Variants in GRID2 observed in about 807,000 individuals in gnomAD.
The protein encoded by GRID2 is glutamate ionotropic receptor delta type subunit 2, also known as glutamate receptor ionotropic, delta-2.
GRID2 carries 33 observed loss-of-function variants against 114.8 expected under a neutral mutation model. The ratio of observed to expected loss-of-function variants is 0.29; its 90% confidence interval spans 0.22 to 0.38. The LOEUF is 0.38. Among genes scored for constraint, GRID2 ranks in the 10% least tolerant of loss-of-function variants. The probability of loss-of-function intolerance (pLI) is 1.00; values close to 1 mark genes in which losing one functional copy is unlikely to be tolerated. For missense variants in GRID2, 1,184 were observed against 1,257.7 expected (o/e 0.94, Z 0.89); for synonymous variants, 505 against 449.9 (o/e 1.12, Z -1.55).
chr4:93,390,580 C>T (rs1291326340), intron 8 of GRID2, among the ~76,000 whole-genome samples: 1 of 152,118 alleles, frequency 6.6e-6, no homozygotes, highest in Non-Finnish European at 1.5e-5. Context: ...TGAACTCAAT[C>T]AGTCTTCTTC....
rs747301275 is a variant in GRID2 at position 93,626,388 on chromosome 4, A to G, written c.2313A>G (p.Gly771=). The G allele has an allele frequency of 5.6e-6, 9 of 1,611,886 alleles. No individual in the cohort carries two copies. The highest frequency in any genetic ancestry group is 7.6e-6 in the Non-Finnish European group (9 of 1,178,466). ...ATACTGTTGCTGATCGGGGATATGG[A>G]ATTGCATTACAACATGGCAGTCCTT... is the stretch of plus-strand genomic sequence containing the variant. The part of the protein sequence containing the change: ...IGNTVADRGY[G]IALQHGSPYR... The change falls in exon 14 of 16, where the codon GGA becomes GGG. Residue 771 remains glycine (G), a synonymous_variant. Coordinates refer to ENST00000282020, the MANE Select transcript of GRID2 (RefSeq NM_001510.4).
At chr4:93,695,208 G>A (rs1170394801) in intron 14 of GRID2, among the ~76,000 whole-genome samples, 3 of 151,736 alleles carry the variant, frequency 2.0e-5, no homozygotes, top group Admixed American at 6.6e-5. Context: ...GAGCGCCATG[G>A]AAGGGCACTG....
At chr4:93,364,714 A>G (rs1379631628) in intron 8 of GRID2, among the ~76,000 whole-genome samples, 3 of 152,074 alleles carry the variant, frequency 2.0e-5, no homozygotes, top group Non-Finnish European at 4.4e-5. Flanking sequence ...TGGGGCCTCG[A>G]GTGATCCTCC....
chr4:92,607,679 T>A (rs1010302720), intron 2 of GRID2, among the ~76,000 whole-genome samples: 1 of 151,774 alleles, frequency 6.6e-6, no homozygotes, highest in Non-Finnish European at 1.5e-5. Flanking sequence ...CACCAGGCAG[T>A]AGAGCAGGCA....
chr4:92,752,944 A>C (rs1737524346), intron 2 of GRID2, among the ~76,000 whole-genome samples: 2 of 152,158 alleles, frequency 1.3e-5, no homozygotes. Flanking sequence ...TTCTTTTTTG[A>C]ACAAATACAT....
At chr4:92,323,000 T>C (rs1439113632) in intron 1 of GRID2, among the ~76,000 whole-genome samples, 1 of 152,138 alleles carries the variant, frequency 6.6e-6, no homozygotes, top group Non-Finnish European at 1.5e-5. Flanking sequence ...ATCTGCTAAT[T>C]GAGTGCAACT....
chr4:92,429,233 C>T (rs1311460656), intron 1 of GRID2, among the ~76,000 whole-genome samples: 1 of 152,120 alleles, frequency 6.6e-6, no homozygotes, highest in Non-Finnish European at 1.5e-5. Flanking sequence ...AATGCAGTGT[C>T]CATTATTTCA....
intron 8 of GRID2, among the ~76,000 whole-genome samples, chr4:93,354,022 T>TGCAC (rs1553915448): frequency 2.9e-4 from 43 of 150,282 alleles, no homozygotes; most frequent in African/African-American, 8.8e-4. Context: ...AGCACACACA[T>TGCAC]GCACACACAC....
chr4:93,615,594 A>C (rs1741540674), intron 13 of GRID2, among the ~76,000 whole-genome samples: 1 of 152,004 alleles, frequency 6.6e-6, no homozygotes, highest in Admixed American at 6.6e-5. Flanking sequence ...ATACTCCAAT[A>C]AATATGTACA....
chr4:93,722,486 A>G (rs1019923722), intron 14 of GRID2, among the ~76,000 whole-genome samples: 2 of 152,190 alleles, frequency 1.3e-5, no homozygotes, highest in Non-Finnish European at 2.9e-5. Context: ...CTTCAAACAC[A>G]TATCTAGAAT....
chr4:93,322,751 G>A (rs1164217743), intron 8 of GRID2, among the ~76,000 whole-genome samples: 2 of 152,188 alleles, frequency 1.3e-5, no homozygotes, highest in African/African-American at 2.4e-5. Flanking sequence ...ACTGGTGTGA[G>A]ATGGTATCTC....
At chr4:93,467,514 TCTAA>T (rs1724408434) in intron 11 of GRID2, among the ~76,000 whole-genome samples, 1 of 152,228 alleles carries the variant, frequency 6.6e-6, no homozygotes, top group Non-Finnish European at 1.5e-5. Context: ...GGCATTCTCT[TCTAA>T]CTTAGATCCT....
At chr4:93,359,146 A>G (rs2149271970) in intron 8 of GRID2, among the ~76,000 whole-genome samples, 1 of 152,230 alleles carries the variant, frequency 6.6e-6, no homozygotes, top group South Asian at 2.1e-4. Context: ...TCCCTCTTTC[A>G]AATGTGTCTC....
chr4:93,370,948 C>T (rs549926421), intron 8 of GRID2, among the ~76,000 whole-genome samples: 4 of 152,176 alleles, frequency 2.6e-5, no homozygotes, highest in Admixed American at 6.5e-5. Flanking sequence ...TTAAATGGCA[C>T]GATTTACCTA....
At chr4:93,675,091 T>C (rs1236274272) in intron 14 of GRID2, among the ~76,000 whole-genome samples, 7 of 152,132 alleles carry the variant, frequency 4.6e-5, no homozygotes, top group Non-Finnish European at 1.0e-4. Flanking sequence ...CAAAGTCAAA[T>C]AAATTTATAA....
intron 2 of GRID2, among the ~76,000 whole-genome samples, chr4:92,857,141 C>T (rs138330370): frequency 3.2e-4 from 49 of 152,260 alleles, no homozygotes; most frequent in African/African-American, 1.1e-3. Flanking sequence ...ATTCCCCTCC[C>T]GCTCCTCAAG....
intron 14 of GRID2, among the ~76,000 whole-genome samples, chr4:93,652,221 A>C (rs1722640603): frequency 6.6e-6 from 1 of 152,102 alleles, no homozygotes; most frequent in Non-Finnish European, 1.5e-5. Context: ...ACATGCACAG[A>C]GGGAAGACCA....
At chr4:92,839,021 T>C (rs1266788092) in intron 2 of GRID2, among the ~76,000 whole-genome samples, 2 of 152,102 alleles carry the variant, frequency 1.3e-5, no homozygotes, top group African/African-American at 4.8e-5. Context: ...ATTAACACAA[T>C]GGATTATCTG....
At chr4:93,482,997 T>C (rs1220578736) in intron 11 of GRID2, among the ~76,000 whole-genome samples, 1 of 151,994 alleles carries the variant, frequency 6.6e-6, no homozygotes, top group African/African-American at 2.4e-5. Flanking sequence ...ACAGTATCTC[T>C]CAATTTGACT....
Sources: gnomAD v4.1 joint callset for allele counts (sites outside exome capture counted in the v4.1 genomes callset) on GRCh38, gnomAD v4.1.1 for gene constraint, MANE v1.5 for transcripts, NCBI Gene and HGNC (gene_info 2026-07-23, HGNC 2026-07-21) for gene names.